Variants in MIGA1 observed in about 807,000 individuals in gnomAD.
MIGA1 encodes the protein mitoguardin 1.
In MIGA1, 58 loss-of-function variants were observed where a neutral mutation model predicts 82.0. That is an observed-to-expected ratio of 0.71 (90% CI 0.57 to 0.88). The LOEUF (loss-of-function observed/expected upper bound fraction) is 0.88, where lower values mean the gene tolerates loss of function less well. Ranked by LOEUF, MIGA1 falls within the 40% of genes least tolerant of loss-of-function variation. The pLI, the probability that MIGA1 is intolerant of heterozygous loss-of-function variation, is 0.00. For missense variants in MIGA1, 751 were observed against 749.1 expected (o/e 1.00, Z -0.03); for synonymous variants, 249 against 253.6 (o/e 0.98, Z 0.17).
In MIGA1 at chr1:77,804,384, G is replaced by T. The variant is rs114459802; in HGVS notation, c.510+978G>T. On this transcript the variant is annotated intron_variant, in intron 4 of 15. Coordinates refer to ENST00000370791, the MANE Select transcript of MIGA1 (RefSeq NM_198549.4). ...TAAACATTAATTTAAAAAACAGGTAGAATATGTACCTGCTATTAAATACAG... is the reference window on the plus strand; with the variant it reads ...TAAACATTAATTTAAAAAACAGGTATAATATGTACCTGCTATTAAATACAG... 1.2e-3 allele frequency among the ~76,000 whole-genome samples: 177 copies of T among 152,246 alleles called. 1 individual carries two copies. The highest frequency in any genetic ancestry group is 4.1e-3 in the African/African-American group (172 of 41,550).
chr1:77,847,996 ACT>A (rs1684907699), intron 8 of MIGA1: 7 of 1,224,876 alleles, frequency 5.7e-6, no homozygotes, highest in Admixed American at 1.8e-5. Context: ...AATCAAAACC[ACT>A]CTCAGTCACC....
intron 4 of MIGA1, among the ~76,000 whole-genome samples, chr1:77,804,831 G>A (rs190824301): frequency 6.6e-6 from 1 of 151,842 alleles, no homozygotes; most frequent in East Asian, 1.9e-4. Flanking sequence ...AGTTTACTAT[G>A]TTGGCTAGGC....
intron 7 of MIGA1, among the ~76,000 whole-genome samples, chr1:77,827,725 TTA>T (rs983278216): frequency 7.2e-5 from 11 of 152,132 alleles, no homozygotes; most frequent in African/African-American, 2.7e-4. Context: ...AACATTAATT[TTA>T]TCTTATTTTC....
At chr1:77,815,424 G>C (rs990863518) in intron 7 of MIGA1, among the ~76,000 whole-genome samples, 193 bp downstream of exon 7, 1 of 151,846 alleles carries the variant, frequency 6.6e-6, no homozygotes, top group African/African-American at 2.4e-5. Context: ...ATGCCCTTAA[G>C]ATACAAATTC....
chr1:77,783,327 G>T lies in MIGA1; in HGVS notation c.171G>T (p.Leu57=). 6.3e-7 allele frequency: 1 copy of T among 1,594,968 alleles called. No individual in the cohort carries two copies. Among genetic ancestry groups the T allele is most frequent in the South Asian group, 1.1e-5 (1 of 88,390 alleles). ...CGCTAAGAGTGTTTGATCTTCCTCT[G>T]ACTTGGTACTATTCTCTCTCCCAGG... The change falls in exon 2 of 16, where the codon CTG becomes CTT. Residue 57 remains leucine (L), a synonymous_variant. Coordinates refer to ENST00000370791, the MANE Select transcript of MIGA1 (RefSeq NM_198549.4).
chr1:77,867,873 A>G (rs1350820136), intron 14 of MIGA1, among the ~76,000 whole-genome samples: 2 of 152,154 alleles, frequency 1.3e-5, no homozygotes, highest in Admixed American at 6.6e-5. Context: ...CTGTATTTGA[A>G]TAATTCTTAT....
intron 2 of MIGA1, among the ~76,000 whole-genome samples, chr1:77,800,732 C>T (rs1539739): frequency 0.41 from 62,900 of 151,950 alleles, 15,095 homozygotes; most frequent in African/African-American, 0.66. Context: ...GAAGAGTATA[C>T]GCAAAATGCA....
chr1:77,864,894 G>A (rs1170737272), intron 13 of MIGA1, among the ~76,000 whole-genome samples: 1 of 152,166 alleles, frequency 6.6e-6, no homozygotes, highest in Non-Finnish European at 1.5e-5. Flanking sequence ...TGGAAGCAAA[G>A]TAGGGTGGAT....
At chr1:77,805,196 C>T (rs1417043288) in intron 4 of MIGA1, among the ~76,000 whole-genome samples, 1 of 151,652 alleles carries the variant, frequency 6.6e-6, no homozygotes, top group African/African-American at 2.4e-5. Flanking sequence ...GGGGTTTCAC[C>T]GTGTTAGCCA....
chr1:77,869,435 C>A (rs1297191352), intron 14 of MIGA1, among the ~76,000 whole-genome samples: 2 of 146,716 alleles, frequency 1.4e-5, no homozygotes, highest in African/African-American at 2.5e-5. Context: ...GTCATCATGG[C>A]CCATCCCCAA....
chr1:77,811,433 A>G, intron 5 of MIGA1: 1 of 1,562,970 alleles, frequency 6.4e-7, no homozygotes, highest in Non-Finnish European at 8.8e-7. Context: ...ATTCTTCTTA[A>G]TGGGACAGGC....
intron 8 of MIGA1, among the ~76,000 whole-genome samples, chr1:77,853,057 A>G (rs1234256825): frequency 6.6e-6 from 1 of 152,258 alleles, no homozygotes; most frequent in Non-Finnish European, 1.5e-5. Context: ...TGAAAGCATT[A>G]GCACAGCACT....
chr1:77,781,023 C>T (rs1246564545), intron 1 of MIGA1, among the ~76,000 whole-genome samples: 1 of 151,592 alleles, frequency 6.6e-6, no homozygotes, highest in East Asian at 1.9e-4. Context: ...TCTCCTACCT[C>T]AGCCTTCCGA....
chr1:77,828,599 G>A (rs528677236), intron 7 of MIGA1, among the ~76,000 whole-genome samples: 17 of 152,218 alleles, frequency 1.1e-4, no homozygotes, highest in African/African-American at 4.1e-4. Flanking sequence ...TATAATGTAT[G>A]GTTCATGTGT....
chr1:77,781,796 A>C (rs536424646), intron 1 of MIGA1, among the ~76,000 whole-genome samples: 54 of 152,350 alleles, frequency 3.5e-4, no homozygotes, highest in African/African-American at 1.3e-3. Flanking sequence ...TAAGGGAAGC[A>C]TCAGTAGTAG....
chr1:77,845,303 T>C (rs1331903956), intron 8 of MIGA1, among the ~76,000 whole-genome samples: 2 of 152,190 alleles, frequency 1.3e-5, no homozygotes, highest in African/African-American at 4.8e-5. Flanking sequence ...TATATACATA[T>C]TTGTCTTTCT....
intron 5 of MIGA1, among the ~76,000 whole-genome samples, chr1:77,809,454 GC>G (rs1683231181): frequency 6.6e-6 from 1 of 152,100 alleles, no homozygotes; most frequent in African/African-American, 2.4e-5. Flanking sequence ...TCTTCCTGAA[GC>G]CAAGTGTGGT....
rs1300981934 is a variant in MIGA1 at position 77,877,554 on chromosome 1, CAT to C, written c.*2491_*2492del. 24 of 152,650 alleles carry C rather than the reference CAT, an allele frequency of 1.6e-4. No homozygotes were observed. The East Asian group carries it at 2.3e-3, about 15-fold the overall frequency. The allele number at this position is 152,650 out of a possible 1,614,324, so 9.5% of individuals were successfully genotyped here. On this transcript the variant is annotated 3_prime_UTR_variant, in exon 16 of 16. Coordinates refer to ENST00000370791, the MANE Select transcript of MIGA1 (RefSeq NM_198549.4). Reference sequence around the variant, plus strand: ...GCGGTATCTTTGGCCTTCACACACACATGTGTGCGTGCACGTGCATTTCATTA... The same window carrying C: ...GCGGTATCTTTGGCCTTCACACACACGTGTGCGTGCACGTGCATTTCATTA...
At chr1:77,856,521 G>A (rs757271656) in intron 8 of MIGA1, among the ~76,000 whole-genome samples, 23 of 151,720 alleles carry the variant, frequency 1.5e-4, no homozygotes, top group Non-Finnish European at 2.8e-4. Flanking sequence ...TTTTTTAATC[G>A]GTAATTTTTT....
Sources: gnomAD v4.1 joint callset for allele counts (sites outside exome capture counted in the v4.1 genomes callset) on GRCh38, gnomAD v4.1.1 for gene constraint, MANE v1.5 for transcripts, NCBI Gene and HGNC (gene_info 2026-07-23, HGNC 2026-07-21) for gene names.